The following LINGO2 variants were observed in gnomAD, a reference collection of about 807,000 sequenced individuals.
The protein encoded by LINGO2 is leucine rich repeat and Ig domain containing 2, also known as leucine-rich repeat and immunoglobulin-like domain-containing nogo receptor-interacting protein 2.
In LINGO2, 14 loss-of-function variants were observed where a neutral mutation model predicts 30.6. The observed-to-expected ratio is 0.46, with a 90% CI of 0.30 to 0.72. LINGO2 has a LOEUF of 0.72. LINGO2 is among the 30% of genes least tolerant of loss of function. LINGO2 has a pLI of 0.07. For synonymous variants in LINGO2, 317 were observed against 288.5 expected (o/e 1.10, Z -1.00); for missense variants, 729 against 751.7 (o/e 0.97, Z 0.35).
chr9:29,026,256 T>C, the LINGO2 span, among the ~76,000 whole-genome samples: 69,060 of 151,806 alleles, frequency 0.45, 16,389 homozygotes, highest in Middle Eastern at 0.53. Flanking sequence ...CTCAAACTCC[T>C]GAGCTCAAGC....
chr9:29,196,303 T>C, the LINGO2 span, among the ~76,000 whole-genome samples: 4 of 152,074 alleles, frequency 2.6e-5, no homozygotes, highest in East Asian at 7.7e-4. Flanking sequence ...ATTTGACTGA[T>C]GACTTCCTTT....
chr9:28,522,087 A>G (rs79144292), intron 1 of LINGO2, among the ~76,000 whole-genome samples: 357 of 152,310 alleles, frequency 2.3e-3, no homozygotes, highest in African/African-American at 8.3e-3. Flanking sequence ...TTGTTACAGC[A>G]TCTCTATGAA....
At chr9:28,631,081 A>T (rs74372033) in intron 1 of LINGO2, among the ~76,000 whole-genome samples, 12,080 of 152,014 alleles carry the variant, frequency 0.079, 668 homozygotes, top group Admixed American at 0.2. Context: ...TATTAAAAAA[A>T]TTATAAATGA....
the LINGO2 span, among the ~76,000 whole-genome samples, chr9:29,130,969 A>G: frequency 3.3e-5 from 5 of 152,132 alleles, no homozygotes; most frequent in Non-Finnish European, 7.3e-5. Context: ...AACCTGTGGA[A>G]GACCTTAAGC....
At chr9:29,031,036 C>T in the LINGO2 span, among the ~76,000 whole-genome samples, 1 of 152,058 alleles carries the variant, frequency 6.6e-6, no homozygotes, top group Non-Finnish European at 1.5e-5. Flanking sequence ...TATCCTTATA[C>T]ATTTTAAGTA....
chr9:28,555,588 T>C (rs1023992124), intron 1 of LINGO2, among the ~76,000 whole-genome samples: 1 of 152,060 alleles, frequency 6.6e-6, no homozygotes, highest in African/African-American at 2.4e-5. Flanking sequence ...ACTGGTACCA[T>C]TCCTTCTGAA....
intron 5 of LINGO2, among the ~76,000 whole-genome samples, chr9:27,997,025 A>G (rs895909822): frequency 6.6e-6 from 1 of 152,218 alleles, no homozygotes; most frequent in Non-Finnish European, 1.5e-5. Context: ...TCTTATGTCA[A>G]ATTGAATTTT....
At chr9:28,157,621 T>A (rs1300818752) in intron 4 of LINGO2, among the ~76,000 whole-genome samples, 1 of 152,234 alleles carries the variant, frequency 6.6e-6, no homozygotes, top group East Asian at 1.9e-4. Flanking sequence ...TATCATCTCG[T>A]GAGGCTGCAA....
At chr9:28,022,981 T>C (rs1186644679) in intron 4 of LINGO2, among the ~76,000 whole-genome samples, 1 of 152,102 alleles carries the variant, frequency 6.6e-6, no homozygotes, top group Non-Finnish European at 1.5e-5. Flanking sequence ...TCAAAGACAT[T>C]TTTCATTCTA....
intron 5 of LINGO2, among the ~76,000 whole-genome samples, chr9:27,986,693 C>A (rs1821141190): frequency 6.6e-6 from 1 of 151,816 alleles, no homozygotes; most frequent in Admixed American, 6.6e-5. Context: ...GTGCTCGTCC[C>A]TCCTTGAGCA....
At chr9:28,700,223 C>T in the LINGO2 span, among the ~76,000 whole-genome samples, 1 of 151,948 alleles carries the variant, frequency 6.6e-6, no homozygotes, top group Non-Finnish European at 1.5e-5. Flanking sequence ...AGCCAGCTGA[C>T]ACTAAAGGAA....
At chr9:28,166,939 A>G (rs1828444571) in intron 4 of LINGO2, among the ~76,000 whole-genome samples, 1 of 152,150 alleles carries the variant, frequency 6.6e-6, no homozygotes, top group Non-Finnish European at 1.5e-5. Context: ...CAGACAGTCA[A>G]TGAGAACTCT....
the LINGO2 span, among the ~76,000 whole-genome samples, chr9:28,985,415 T>C: frequency 6.6e-6 from 1 of 152,098 alleles, no homozygotes; most frequent in Non-Finnish European, 1.5e-5. Flanking sequence ...GGTAATTCCA[T>C]TTTAGCTTTT....
intron 1 of LINGO2, among the ~76,000 whole-genome samples, chr9:28,519,393 G>A (rs2135394087): frequency 6.6e-6 from 1 of 152,156 alleles, no homozygotes; most frequent in African/African-American, 2.4e-5. Flanking sequence ...AGTTGTTCAG[G>A]TAAATAGTAA....
At chr9:28,766,330 C>T in the LINGO2 span, among the ~76,000 whole-genome samples, 1 of 150,836 alleles carries the variant, frequency 6.6e-6, no homozygotes, top group African/African-American at 2.4e-5. Flanking sequence ...AACTGGCTAA[C>T]AAGTATATGA....
chr9:27,981,779 G>A (rs562601532), intron 5 of LINGO2, among the ~76,000 whole-genome samples: 1 of 151,712 alleles, frequency 6.6e-6, no homozygotes, highest in African/African-American at 2.4e-5. Flanking sequence ...AGCCTTCTGA[G>A]ATTGGTCCCT....
At chr9:28,793,963 C>T in the LINGO2 span, among the ~76,000 whole-genome samples, 1 of 152,176 alleles carries the variant, frequency 6.6e-6, no homozygotes, top group Non-Finnish European at 1.5e-5. Flanking sequence ...ATAAATAAAA[C>T]AATCTCCACC....
intron 4 of LINGO2, among the ~76,000 whole-genome samples, chr9:28,098,515 C>G (rs1358646768): frequency 6.6e-6 from 1 of 152,152 alleles, no homozygotes; most frequent in Non-Finnish European, 1.5e-5. Flanking sequence ...TTATATACTT[C>G]TTAGCACCTG....
chr9:28,823,720 C>A, the LINGO2 span, among the ~76,000 whole-genome samples: 3 of 152,154 alleles, frequency 2.0e-5, no homozygotes, highest in Non-Finnish European at 4.4e-5. Flanking sequence ...AACTGTCAAC[C>A]ACCTGAATGA....
Sources: allele counts gnomAD v4.1 joint callset (sites outside exome capture counted in the v4.1 genomes callset), GRCh38; gene constraint gnomAD v4.1.1; transcripts MANE v1.5; gene names NCBI Gene and HGNC (gene_info 2026-07-23, HGNC 2026-07-21).